The following NETO1 variants were observed in gnomAD, a reference collection of about 807,000 sequenced individuals.
The protein encoded by NETO1 is neuropilin and tolloid-like protein 1.
Under a neutral mutation model 61.3 loss-of-function variants are expected in NETO1, and 26 were observed. The ratio of observed to expected loss-of-function variants is 0.42; its 90% CI spans 0.31 to 0.59. The LOEUF (loss-of-function observed/expected upper bound fraction) is 0.59, where lower values mean the gene tolerates loss of function less well. Ranked by LOEUF, NETO1 falls within the 20% of genes least tolerant of loss-of-function variation. NETO1 has a pLI of 0.12. For synonymous variants in NETO1, 225 were observed against 225.8 expected, an observed-to-expected ratio of 1.00 and a Z score of 0.03; for missense variants, 531 against 662.8, an observed-to-expected ratio of 0.80 and a Z score of 2.18.
chr18:72,748,114 A>C lies in NETO1; in HGVS notation c.*65T>G. ...GAAATATGTCCACTTTTCACAATTC[A>C]CTATAGAATTTTCTTTTCACAGTCC... On this transcript the variant is annotated 3_prime_UTR_variant, in exon 11 of 11. Transcript: ENST00000327305. 1 of 969,516 alleles carries C rather than the reference A, an allele frequency of 1.0e-6. No homozygotes were observed. Among genetic ancestry groups the C allele is most frequent in the Non-Finnish European group, 1.2e-6 (1 of 815,090 alleles). The allele number at this position is 969,516 out of a possible 1,614,324, so 60.1% of individuals were successfully genotyped here.
At chr18:72,787,153 T>C (rs985817678) in intron 6 of NETO1, among the ~76,000 whole-genome samples, 4 of 150,394 alleles carry the variant, frequency 2.7e-5, no homozygotes, top group African/African-American at 4.9e-5. Context: ...CTAGGTATTA[T>C]ACAAACATGT....
At chr18:72,753,921 C>G (rs1335119781) in intron 8 of NETO1, among the ~76,000 whole-genome samples, 1 of 152,096 alleles carries the variant, frequency 6.6e-6, no homozygotes, top group Non-Finnish European at 1.5e-5. Context: ...TAAAAAGTTA[C>G]ACTAATATAC....
chr18:72,771,587 A>T (rs1363304307), intron 7 of NETO1, among the ~76,000 whole-genome samples: 1 of 152,192 alleles, frequency 6.6e-6, no homozygotes, highest in Non-Finnish European at 1.5e-5. Flanking sequence ...TATCAAAATG[A>T]AAAGTTATTA....
At position 72,746,660 on chromosome 18, in the gene NETO1, C is replaced by A. The variant is rs1481401880; in HGVS notation, c.*1519G>T. ...TAATTCATCTAGTTTGCAAAGCCTG[C>A]TTGAATTGCAAAGTCCAAATTTTAG... On this transcript the variant is annotated 3_prime_UTR_variant, in exon 11 of 11. Coordinates refer to ENST00000327305, the MANE Select transcript of NETO1 (RefSeq NM_138966.5). Among the ~76,000 whole-genome samples, 1 of 151,680 alleles carries A rather than the reference C, an allele frequency of 6.6e-6. No homozygotes were observed. Among genetic ancestry groups the A allele is most frequent in the African/African-American group, 2.4e-5 (1 of 41,324 alleles).
chr18:72,748,737 C>T (rs2070490648), intron 10 of NETO1, among the ~76,000 whole-genome samples: 1 of 151,950 alleles, frequency 6.6e-6, no homozygotes. Context: ...TACCTTAAAA[C>T]ATGTAAAGTT....
intron 9 of NETO1, among the ~76,000 whole-genome samples, chr18:72,749,467 T>A (rs11873621): frequency 0.13 from 20,244 of 152,202 alleles, 1,564 homozygotes; most frequent in Middle Eastern, 0.2. Flanking sequence ...ATCAAATGTT[T>A]CTACTATTTC....
intron 6 of NETO1, among the ~76,000 whole-genome samples, chr18:72,785,737 T>A (rs529815403): frequency 6.6e-6 from 1 of 152,312 alleles, no homozygotes; most frequent in African/African-American, 2.4e-5. Context: ...ACATCCTTCT[T>A]ATCTCCCAAC....
At chr18:72,852,223 G>C (rs6420536) in intron 4 of NETO1, among the ~76,000 whole-genome samples, 149,551 of 152,300 alleles carry the variant, frequency 0.98, 73,440 homozygotes, top group East Asian at 1. Flanking sequence ...TTGTTTGTTT[G>C]TTTCTTTTTG....
intron 7 of NETO1, among the ~76,000 whole-genome samples, chr18:72,772,849 A>ATAT (rs2071421518): frequency 2.8e-5 from 2 of 72,410 alleles, no homozygotes; most frequent in African/African-American, 9.2e-5. Context: ...ATATATATAT[A>ATAT]TATATATATA....
chr18:72,750,445 C>T lies in NETO1; in HGVS notation c.1158G>A (p.Glu386=), dbSNP rs758163911. Reference sequence around the variant, plus strand: ...ACTCATAATGAGGAGGTTCAAATACCTCCTGGAAAACTGTCTGGTCAAAGT... The same window carrying T: ...ACTCATAATGAGGAGGTTCAAATACTTCCTGGAAAACTGTCTGGTCAAAGT... ...KSDFDQTVFQ[E]VFEPPHYELC... The change falls in exon 9 of 11, where the codon GAG becomes GAA. Residue 386 remains glutamate, a synonymous_variant. Transcript: ENST00000327305. The T allele has an allele frequency of 4.3e-6, 7 of 1,614,020 alleles. No homozygotes were observed. The highest frequency in any genetic ancestry group is 1.3e-5 in the African/African-American group (1 of 74,932).
chr18:72,865,023 T>C (rs1480482059), intron 2 of NETO1, 78 bp from the exon 3 acceptor site: 10 of 1,474,070 alleles, frequency 6.8e-6, no homozygotes, highest in African/African-American at 1.4e-5. Context: ...GACATTCTTA[T>C]AATATCCATT....
intron 8 of NETO1, among the ~76,000 whole-genome samples, chr18:72,750,913 A>ACACACACACACACACAC (rs61569037): frequency 1.6e-4 from 19 of 119,814 alleles, no homozygotes; most frequent in South Asian, 5.8e-4. Context: ...ACACACACAC[A>ACACACACACACACACAC]ATCCTCTATC....
Position 72,794,254 on chromosome 18 carries a change from A to G in NETO1, c.512-10T>C. On this transcript the variant is annotated splice_polypyrimidine_tract_variant and intron_variant, in intron 5 of 10. Transcript: ENST00000327305. ...ATCTCAAACTCACACGCTAAATAAC[A>G]AAATGCCAAACAAACACACAAAAAC... The G allele has an allele frequency of 6.2e-7, 1 of 1,614,202 alleles. No homozygotes were observed. Among genetic ancestry groups the G allele is most frequent in the Non-Finnish European group, 8.5e-7 (1 of 1,180,022 alleles).
At chr18:72,826,545 CT>C (rs920288734) in intron 4 of NETO1, among the ~76,000 whole-genome samples, 4 of 151,794 alleles carry the variant, frequency 2.6e-5, no homozygotes, top group African/African-American at 7.2e-5. Flanking sequence ...TTCACAATTC[CT>C]TTTTTCTCTT....
chr18:72,744,275 AAAC>A lies in NETO1; in HGVS notation c.*3901_*3903del, dbSNP rs1159485455. 1 of 152,228 alleles carries A rather than the reference AAAC, an allele frequency of 6.6e-6. No individual in the cohort carries two copies. Among genetic ancestry groups the A allele is most frequent in the Non-Finnish European group, 1.5e-5 (1 of 68,036 alleles). 9.4% of individuals were successfully genotyped at this position (152,228 alleles called of 1,614,324 possible). ...TTCAGTTAAATTTGTGGTACAATTCAAACAAGTTTATTAATAAAATGAATCATA... is the reference window on the plus strand; with the variant it reads ...TTCAGTTAAATTTGTGGTACAATTCAAAGTTTATTAATAAAATGAATCATA... On this transcript the variant is annotated 3_prime_UTR_variant, in exon 11 of 11. Transcript: ENST00000327305.
chr18:72,775,237 C>A (rs1442363796), intron 7 of NETO1, among the ~76,000 whole-genome samples: 1 of 152,178 alleles, frequency 6.6e-6, no homozygotes, highest in African/African-American at 2.4e-5. Context: ...CTCCCCTTTA[C>A]TGGCATTAGA....
chr18:72,752,043 C>G (rs568340295), intron 8 of NETO1: 1 of 152,166 alleles, frequency 6.6e-6, no homozygotes, highest in African/African-American at 2.4e-5. Flanking sequence ...ATACCGAGTG[C>G]TGTATGCATT....
chr18:72,764,513 C>T (rs933495063), intron 7 of NETO1, among the ~76,000 whole-genome samples: 5 of 152,150 alleles, frequency 3.3e-5, no homozygotes, highest in Non-Finnish European at 7.3e-5. Context: ...GCTGAGCCCC[C>T]TGAGGCTGTC....
intron 1 of NETO1, among the ~76,000 whole-genome samples, chr18:72,866,266 G>C (rs1195773479): frequency 1.3e-5 from 2 of 152,022 alleles, no homozygotes; most frequent in African/African-American, 4.8e-5. Flanking sequence ...CTCACCACAG[G>C]CTTATACATT....
Sources: allele counts gnomAD v4.1 joint callset (sites outside exome capture counted in the v4.1 genomes callset), GRCh38; gene constraint gnomAD v4.1.1; transcripts MANE v1.5; gene names NCBI Gene and HGNC (gene_info 2026-07-23, HGNC 2026-07-21).